Variants in KDR observed in about 807,000 individuals in gnomAD.
The protein encoded by KDR is kinase insert domain receptor, also known as vascular endothelial growth factor receptor 2.
In KDR, 43 loss-of-function variants were observed where a neutral mutation model predicts 160.9. That is an observed-to-expected ratio of 0.27 (90% confidence interval 0.21 to 0.34). The LOEUF (loss-of-function observed/expected upper bound fraction) is 0.34. Among genes scored for constraint, KDR ranks in the 10% least tolerant of loss-of-function variants. KDR has a pLI of 1.00. For missense variants in KDR, 1,469 were observed against 1,666.4 expected (o/e 0.88, Z 2.06); for synonymous variants, 617 against 600.1 (o/e 1.03, Z -0.41).
rs919430835 is a variant in KDR, at chr4:55,125,402, G to A, written c.-109C>T. On this transcript the variant is annotated 5_prime_UTR_variant, in exon 1 of 30. Coordinates refer to ENST00000263923, the MANE Select transcript of KDR (RefSeq NM_002253.4). The stretch of plus-strand genomic sequence containing the variant: ...GGTGGAACTCGCGGCACCCCGCAGC[G>A]CAGGACAGTTGAGCGCACAGGGCTA... 7.3e-7 allele frequency: 1 copy of A among 1,378,490 alleles called. No homozygotes were observed. Among genetic ancestry groups the A allele is most frequent in the Non-Finnish European group, 1.0e-6 (1 of 1,002,084 alleles). The allele number at this position is 1,378,490 out of a possible 1,614,324, so 85.4% of individuals were successfully genotyped here.
intron 10 of KDR, 110 bp from the exon 11 acceptor site, chr4:55,106,920 C>T: frequency 1.1e-6 from 1 of 942,652 alleles, no homozygotes. Flanking sequence ...AAATAACTTC[C>T]AACGCAGCCT....
In KDR at chr4:55,114,035, C is replaced by T. The variant is rs150106382; in HGVS notation, c.798+91G>A. The T allele has an allele frequency of 5.1e-3, 6,827 of 1,344,116 alleles. 24 individuals carry two copies. Among genetic ancestry groups the T allele is most frequent in the Non-Finnish European group, 6.5e-3 (6,083 of 935,392 alleles). The allele number at this position is 1,344,116 out of a possible 1,614,324, so 83.3% of individuals were successfully genotyped here. On this transcript the variant is annotated intron_variant, in intron 6 of 29. Transcript: ENST00000263923. ...TGTGTTTAAGGCTCTTACATTTTAT[C>T]TGGCCAAAGAGGCCCCTATCTCTCA...
chr4:55,091,349 T>A (rs1282716516), intron 22 of KDR, among the ~76,000 whole-genome samples: 1 of 152,170 alleles, frequency 6.6e-6, no homozygotes. Flanking sequence ...ACAAAAAGTT[T>A]CCTTTTTTAA....
chr4:55,124,417 G>A lies in KDR; in HGVS notation c.67+810C>T, dbSNP rs1303043291. On this transcript the variant is annotated intron_variant, in intron 1 of 29. Transcript: ENST00000263923. ...TTGAAGGAGACGGAAATTTTAGGCG[G>A]CAGGGAGAGGAAGGAATGGCACTAA... 2.0e-5 allele frequency among the ~76,000 whole-genome samples: 3 copies of A among 152,276 alleles called. No homozygotes were observed. In the East Asian group the frequency reaches 5.8e-4, roughly 29 times the overall value.
intron 9 of KDR, among the ~76,000 whole-genome samples, chr4:55,109,227 T>G (rs1191528126): frequency 6.6e-6 from 1 of 151,944 alleles, no homozygotes; most frequent in African/African-American, 2.4e-5. Context: ...GGATTACAGG[T>G]GCCCACCACC....
intron 28 of KDR, 64 bp downstream of exon 28, chr4:55,082,472 T>G: frequency 8.0e-7 from 1 of 1,243,124 alleles, no homozygotes; most frequent in Non-Finnish European, 1.2e-6. Flanking sequence ...TAGGCTAATA[T>G]TTATCTAGCT....
At position 55,115,426 on chromosome 4, in the gene KDR, A is replaced by C; in HGVS notation, c.359-15T>G. On this transcript the variant is annotated splice_polypyrimidine_tract_variant and intron_variant, in intron 3 of 29. Coordinates refer to ENST00000263923, the MANE Select transcript of KDR (RefSeq NM_002253.4). ...AGATCTGTAATCTAGAAGAAAATTT[A>C]GTTTTATTAATGAGTTAATAGTATT... The C allele has an allele frequency of 7.2e-7, 1 of 1,388,060 alleles. No homozygotes were observed. Among genetic ancestry groups the C allele is most frequent in the Non-Finnish European group, 1.0e-6 (1 of 974,890 alleles). The allele number at this position is 1,388,060 out of a possible 1,614,324, so 86.0% of individuals were successfully genotyped here.
rs930767440 is a variant in KDR at position 55,106,565 on chromosome 4, A to C, written c.1536+122T>G. Reference sequence around the variant, plus strand: ...GTCAATGGTATTTTCAAAGTGACTTAATACGCTCTATTTAATCATCCAGAC... The same window carrying C: ...GTCAATGGTATTTTCAAAGTGACTTCATACGCTCTATTTAATCATCCAGAC... On this transcript the variant is annotated intron_variant, in intron 11 of 29. Transcript: ENST00000263923. The C allele has an allele frequency of 1.7e-5, 13 of 782,536 alleles. No individual in the cohort carries two copies. The African/African-American group carries it at 2.2e-4, about 13-fold the overall frequency. 48.5% of individuals were successfully genotyped at this position (782,536 alleles called of 1,614,324 possible). A position where few individuals can be genotyped will look rare whatever the true frequency, so the allele number is the denominator to read the frequency against.
Position 55,101,970 on chromosome 4 carries a change from G to A in KDR, c.2193C>T (p.Asp731=), listed in dbSNP as rs138304068. ...ATGCCTGGCAGGTGTAGAGGCCTTC[G>A]TCCTCCTTCCTCACTCTGCGGATAG... The part of the protein sequence containing the change: ...NLTIRRVRKE[D]EGLYTCQACS... Residue 731 remains aspartate (D), a synonymous_variant, in exon 15 of 30, where the codon GAC becomes GAT. Coordinates refer to ENST00000263923, the MANE Select transcript of KDR (RefSeq NM_002253.4). The A allele has an allele frequency of 5.4e-5, 87 of 1,613,518 alleles. 1 individual carries two copies. The highest frequency in any genetic ancestry group is 4.3e-4 in the South Asian group (39 of 91,070).
In KDR at chr4:55,110,518, C is replaced by G. The variant is rs1399139149; in HGVS notation, c.1140G>C (p.Gly380=). The change falls in exon 9 of 30, where the codon GGG becomes GGC. Residue 380 remains glycine (G), a synonymous_variant. Coordinates refer to ENST00000263923, the MANE Select transcript of KDR (RefSeq NM_002253.4). ...TCACTTCCATAATCGTCAGTACATG[C>G]CCCGCTTTAATTGTGTGATTGGACT... ...PLESNHTIKA[G]HVLTIMEVSE... 1 of 1,613,862 alleles carries G rather than the reference C, an allele frequency of 6.2e-7. No individual in the cohort carries two copies.
chr4:55,083,246 G>A (rs969170119), intron 27 of KDR, among the ~76,000 whole-genome samples: 3 of 152,234 alleles, frequency 2.0e-5, no homozygotes, highest in Non-Finnish European at 2.9e-5. Context: ...AAGAGCAGTG[G>A]TTTGAGAATA....
Position 55,106,757 on chromosome 4 carries a change from T to G in KDR, c.1466A>C (p.Glu489Ala). 2 of 1,597,142 alleles carry G rather than the reference T, an allele frequency of 1.3e-6. No individual in the cohort carries two copies. Among genetic ancestry groups the G allele is most frequent in the Non-Finnish European group, 1.7e-6 (2 of 1,164,544 alleles). Residue 489 changes from glutamate (E) to alanine (A), a missense_variant, in exon 11 of 30, where the codon GAG (glutamate) becomes GCG (alanine). Physicochemically the swap from Glu to Ala is moderately radical, Grantham distance 107. Coordinates refer to ENST00000263923, the MANE Select transcript of KDR (RefSeq NM_002253.4). Reference protein sequence around the residue: ...PYPCEEWRSVEDFQGGNKIEV... With the variant: ...PYPCEEWRSVADFQGGNKIEV... ...AATTTTATTTCCTCCCTGGAAGTCC[T>G]CCACACTTCTCCATTCTTCACAAGG...
rs770185306 is a variant in KDR, at chr4:55,110,547, G to C, written c.1111C>G (p.Leu371Val). ...EIKWYKNGIPLESNHTIKAGH... is the reference protein window; with the variant it reads ...EIKWYKNGIPVESNHTIKAGH... ...GCTTTAATTGTGTGATTGGACTCAA[G>C]GGGTATTCCATTTTTATACCTATGA... is the stretch of plus-strand genomic sequence containing the variant. The change falls in exon 9 of 30, where the codon CTT (leucine) becomes GTT (valine). Residue 371 changes from leucine to valine, a missense_variant. Transcript: ENST00000263923. 6.2e-6 allele frequency: 10 copies of C among 1,613,744 alleles called. No individual in the cohort carries two copies. The highest frequency in any genetic ancestry group is 8.5e-7 in the Non-Finnish European group (1 of 1,179,890).
At position 55,106,691 on chromosome 4, in the gene KDR, T is replaced by C; in HGVS notation, c.1532A>G (p.Asn511Ser). 1 of 1,564,990 alleles carries C rather than the reference T, an allele frequency of 6.4e-7. No individual in the cohort carries two copies. The highest frequency in any genetic ancestry group is 1.1e-5 in the South Asian group (1 of 90,064). Residue 511 changes from asparagine to serine, a missense_variant, in exon 11 of 30, where the codon AAC becomes AGC. This residue lies in a region of KDR where 792 missense variants were observed against 840.9 expected (regional missense o/e 0.94). Transcript: ENST00000263923. ...ATTTTAAAACTTCAAACTCACTTTG[T>C]TTTTTCCTTCAATTAGAGCAAATTG... is the stretch of plus-strand genomic sequence containing the variant. Reference protein sequence around the residue: ...KNQFALIEGKNKTVSTLVIQA... With the variant: ...KNQFALIEGKSKTVSTLVIQA...
intron 11 of KDR, 68 bp downstream of exon 11, chr4:55,106,619 C>T (rs2110024479): frequency 8.9e-7 from 1 of 1,119,500 alleles, no homozygotes; most frequent in East Asian, 2.4e-5. Context: ...CAATATGCCT[C>T]ACATATTATT....
In KDR at chr4:55,094,755, G is replaced by A. The variant is rs377341213; in HGVS notation, c.2971+47C>T. 30 of 1,571,242 alleles carry A rather than the reference G, an allele frequency of 1.9e-5. No homozygotes were observed. In the African/African-American group the frequency reaches 3.1e-4, roughly 16 times the overall value. ...CTTGTAACACCCTATCACCCTGTCT[G>A]CTCTGACAAGAGCATGCCATAGCAT... On this transcript the variant is annotated intron_variant, in intron 21 of 29. Coordinates refer to ENST00000263923, the MANE Select transcript of KDR (RefSeq NM_002253.4).
intron 18 of KDR, chr4:55,096,789 T>C: frequency 4.4e-6 from 1 of 227,102 alleles, no homozygotes; most frequent in Non-Finnish European, 8.8e-6. Context: ...TGTGCCGATC[T>C]GTGCAGGCGA....
chr4:55,108,806 A>G (rs1017927802), intron 9 of KDR, among the ~76,000 whole-genome samples: 17 of 150,998 alleles, frequency 1.1e-4, no homozygotes, highest in African/African-American at 4.2e-4. Flanking sequence ...TTTTGACTCC[A>G]AAGTCAAAAC....
chr4:55,089,042 A>C, intron 25 of KDR, 69 bp from the exon 26 acceptor site: 1 of 1,096,198 alleles, frequency 9.1e-7, no homozygotes, highest in Non-Finnish European at 1.4e-6. Flanking sequence ...AAGCACTTAA[A>C]TGAGTACACA....
Sources: gnomAD v4.1 joint callset for allele counts (sites outside exome capture counted in the v4.1 genomes callset) on GRCh38, gnomAD v4.1.1 for gene constraint, gnomAD v4.1.1 regional missense constraint, MANE v1.5 for transcripts, NCBI Gene and HGNC (gene_info 2026-07-23, HGNC 2026-07-21) for gene names.